Variants in RAB3GAP2 observed in about 807,000 individuals in gnomAD.
RAB3GAP2 encodes rab3 GTPase-activating protein non-catalytic subunit.
In RAB3GAP2, 87 loss-of-function variants were observed where a neutral mutation model predicts 185.3. That is an observed-to-expected ratio of 0.47 (90% CI 0.39 to 0.56). The LOEUF is 0.56. Among genes scored for constraint, RAB3GAP2 ranks in the 20% least tolerant of loss-of-function variants. The pLI is 0.00. For missense variants in RAB3GAP2, 1,492 were observed against 1,638.2 expected (o/e 0.91, Z 1.54); for synonymous variants, 554 against 576.1 (o/e 0.96, Z 0.55).
chr1:220,204,542 A>G (rs1462764381), intron 8 of RAB3GAP2, among the ~76,000 whole-genome samples: 1 of 152,098 alleles, frequency 6.6e-6, no homozygotes, highest in Non-Finnish European at 1.5e-5. Context: ...TCCTCTACTC[A>G]ATCCCAAAAG....
At chr1:220,258,019 T>C (rs1352609502) in intron 1 of RAB3GAP2, among the ~76,000 whole-genome samples, 3 of 152,020 alleles carry the variant, frequency 2.0e-5, no homozygotes, top group Admixed American at 6.6e-5. Flanking sequence ...CCTAGACACA[T>C]ACATCTTCCC....
chr1:220,221,838 T>A (rs868790809), intron 2 of RAB3GAP2, among the ~76,000 whole-genome samples: 1 of 152,252 alleles, frequency 6.6e-6, no homozygotes, highest in East Asian at 1.9e-4. Flanking sequence ...TAGGGACTGG[T>A]AATTACTGGG....
intron 23 of RAB3GAP2, among the ~76,000 whole-genome samples, chr1:220,171,460 C>T (rs1313523542): frequency 2.0e-5 from 3 of 152,128 alleles, no homozygotes; most frequent in Non-Finnish European, 2.9e-5. Flanking sequence ...CTTCAGAATG[C>T]ACTCTTCAAC....
At chr1:220,234,485 T>C (rs1255962267) in intron 1 of RAB3GAP2, among the ~76,000 whole-genome samples, 1 of 152,250 alleles carries the variant, frequency 6.6e-6, no homozygotes, top group Non-Finnish European at 1.5e-5. Flanking sequence ...AAATAATTAC[T>C]TCCTAATAGG....
Position 220,171,238 on chromosome 1 carries a change from A to G in RAB3GAP2, c.2578-118T>C, listed in dbSNP as rs540302310. On this transcript the variant is annotated intron_variant, in intron 23 of 34. Transcript: ENST00000358951. ...GGATACATCACAAAGCAACACATAC[A>G]TGCTATTTCACAAATATTACTACTT... 7.0e-4 allele frequency: 617 copies of G among 882,416 alleles called. 5 individuals carry two copies. The highest frequency in any genetic ancestry group is 9.2e-4 in the South Asian group (65 of 70,410). 54.7% of individuals were successfully genotyped at this position (882,416 alleles called of 1,614,324 possible).
At chr1:220,219,738 T>C (rs1206717840) in intron 2 of RAB3GAP2, 1 of 152,118 alleles carries the variant, frequency 6.6e-6, no homozygotes, top group East Asian at 1.9e-4. Flanking sequence ...TTGATGAAAA[T>C]ATTGGTATAG....
chr1:220,247,897 A>G (rs556551615), intron 1 of RAB3GAP2, among the ~76,000 whole-genome samples: 9 of 152,268 alleles, frequency 5.9e-5, no homozygotes, highest in African/African-American at 2.2e-4. Context: ...CAGATCTTAG[A>G]CAAATGAAAA....
At chr1:220,271,968 A>T (rs533392217) in intron 1 of RAB3GAP2, among the ~76,000 whole-genome samples, 1 of 151,672 alleles carries the variant, frequency 6.6e-6, no homozygotes, top group South Asian at 2.1e-4. Context: ...GGCAGAGGCG[A>T]GAGGAAACAA....
chr1:220,174,219 A>C (rs1571882562), intron 21 of RAB3GAP2, among the ~76,000 whole-genome samples: 1 of 152,078 alleles, frequency 6.6e-6, no homozygotes, highest in Non-Finnish European at 1.5e-5. Flanking sequence ...ATAAATTTAT[A>C]TATGCACTTA....
At chr1:220,176,434 A>T (rs1044468758) in intron 21 of RAB3GAP2, among the ~76,000 whole-genome samples, 3 of 152,168 alleles carry the variant, frequency 2.0e-5, no homozygotes, top group Non-Finnish European at 4.4e-5. Context: ...TCCAGATTGA[A>T]GCCCAGAAAC....
intron 1 of RAB3GAP2, chr1:220,253,639 C>A: frequency 1.9e-6 from 3 of 1,588,964 alleles, no homozygotes; most frequent in Non-Finnish European, 2.6e-6. Context: ...TCATGGGCCT[C>A]TTCTTTATGA....
chr1:220,183,910 T>A, intron 19 of RAB3GAP2, 126 bp downstream of exon 19: 1 of 746,132 alleles, frequency 1.3e-6, no homozygotes, highest in Non-Finnish European at 2.1e-6. Flanking sequence ...GGGGGCTTGG[T>A]AAGGAAAATA....
intron 21 of RAB3GAP2, among the ~76,000 whole-genome samples, chr1:220,180,959 G>A (rs781116464): frequency 6.6e-6 from 1 of 151,968 alleles, no homozygotes; most frequent in Non-Finnish European, 1.5e-5. Context: ...AAAGATGGAC[G>A]GTTCCATCTA....
intron 2 of RAB3GAP2, among the ~76,000 whole-genome samples, chr1:220,229,277 G>GA (rs1659456424): frequency 6.6e-6 from 1 of 152,012 alleles, no homozygotes; most frequent in African/African-American, 2.4e-5. Flanking sequence ...AGCTAATTAA[G>GA]AAAAAAATAC....
intron 1 of RAB3GAP2, among the ~76,000 whole-genome samples, chr1:220,265,386 A>C (rs1660211270): frequency 6.6e-6 from 1 of 152,108 alleles, no homozygotes; most frequent in South Asian, 2.1e-4. Context: ...TTAGTATGTC[A>C]ATAAGAAATT....
chr1:220,165,732 T>G (rs985184655), intron 26 of RAB3GAP2, among the ~76,000 whole-genome samples: 3 of 152,354 alleles, frequency 2.0e-5, no homozygotes, highest in East Asian at 3.9e-4. Flanking sequence ...TGTTAGGCAC[T>G]ATGCATTCAT....
intron 1 of RAB3GAP2, among the ~76,000 whole-genome samples, chr1:220,236,764 A>G (rs1303551580): frequency 2.6e-5 from 4 of 152,156 alleles, no homozygotes; most frequent in Admixed American, 1.3e-4. Flanking sequence ...CAGGCACGGT[A>G]CTTCCTTCTG....
At chr1:220,213,167 T>C (rs1447426910) in intron 3 of RAB3GAP2, among the ~76,000 whole-genome samples, 199 bp from the exon 4 acceptor site, 2 of 152,206 alleles carry the variant, frequency 1.3e-5, no homozygotes, top group African/African-American at 2.4e-5. Context: ...TCTCCTGGCC[T>C]TCAGCCTCTC....
At chr1:220,183,080 G>T in intron 19 of RAB3GAP2, 149 bp from the exon 20 acceptor site, 1 of 657,014 alleles carries the variant, frequency 1.5e-6, no homozygotes, top group South Asian at 1.9e-5. Context: ...TACAAATCAC[G>T]TTTCATGAGT....
Sources: allele counts gnomAD v4.1 joint callset (sites outside exome capture counted in the v4.1 genomes callset), GRCh38; gene constraint gnomAD v4.1.1; transcripts MANE v1.5; gene names NCBI Gene and HGNC (gene_info 2026-07-23, HGNC 2026-07-21).